KIF6: variants seen among roughly 807,000 people sequenced by gnomAD.
The protein encoded by KIF6 is kinesin-like protein KIF6.
Under a neutral mutation model 112.7 loss-of-function variants are expected in KIF6, and 106 were observed. The ratio of observed to expected loss-of-function variants is 0.94; its 90% CI spans 0.80 to 1.11. The LOEUF (loss-of-function observed/expected upper bound fraction) is 1.11. Ranked by LOEUF, KIF6 falls within the 50% of genes least tolerant of loss-of-function variation. KIF6 has a pLI of 0.00. For synonymous variants in KIF6, 339 were observed against 339.9 expected, an observed-to-expected ratio of 1.00 and a Z score of 0.03; for missense variants, 929 against 964.0, an observed-to-expected ratio of 0.96 and a Z score of 0.48.
rs565013016 is a variant in KIF6 at position 39,340,195 on chromosome 6, C to T, written c.2428+3514G>A. On this transcript the variant is annotated intron_variant, in intron 22 of 22. Coordinates refer to ENST00000287152, the MANE Select transcript of KIF6 (RefSeq NM_145027.6). The stretch of plus-strand genomic sequence containing the variant: ...CTGTCTTTGGCTTCCTTTGTGGCCC[C>T]GTGGTCACTGAAAAGCCAGAATGAA... Among the ~76,000 whole-genome samples, 49 of 152,322 alleles carry T rather than the reference C, an allele frequency of 3.2e-4. 1 individual carries two copies. The highest frequency in any genetic ancestry group is 6.8e-3 in the Middle Eastern group (2 of 294).
In KIF6 at chr6:39,378,914, C is replaced by T. The variant is rs185416486; in HGVS notation, c.1861+6708G>A. 6.6e-6 allele frequency among the ~76,000 whole-genome samples: 1 copy of T among 152,314 alleles called. No homozygotes were observed. Among genetic ancestry groups the T allele is most frequent in the Admixed American group, 6.5e-5 (1 of 15,298 alleles). On this transcript the variant is annotated intron_variant, in intron 16 of 22. Transcript: ENST00000287152. The surrounding 1 kb of genome is among the most constrained non-coding windows in gnomAD (Gnocchi z 5.0). ...CCCGGATCCTATTATCTTGGCCGCT[C>T]ACATAAACGCTTTCAGTGAGCTATG...
rs115308726 is a variant in KIF6, at chr6:39,582,007, G to A, written c.1077+2891C>T. ...TCCTAGAATTTTACTGAAATGTATC[G>A]GATCATGTGGGTTTTGTTTGCTTCT... On this transcript the variant is annotated intron_variant, in intron 9 of 22. Coordinates refer to ENST00000287152, the MANE Select transcript of KIF6 (RefSeq NM_145027.6). Among the ~76,000 whole-genome samples, 712 of 152,144 alleles carry A rather than the reference G, an allele frequency of 4.7e-3. 6 individuals are homozygous for A. Among genetic ancestry groups the A allele is most frequent in the African/African-American group, 0.017 (685 of 41,492 alleles).
At chr6:39,494,321 T>TCTACTTC (rs1775645129) in intron 13 of KIF6, among the ~76,000 whole-genome samples, 1 of 152,216 alleles carries the variant, frequency 6.6e-6, no homozygotes, top group African/African-American at 2.4e-5. Flanking sequence ...CACAAGGATG[T>TCTACTTC]TTATACATTA....
chr6:39,494,533 T>C (rs1775660751), intron 13 of KIF6, among the ~76,000 whole-genome samples: 1 of 152,222 alleles, frequency 6.6e-6, no homozygotes, highest in African/African-American at 2.4e-5. Flanking sequence ...ATTACATCAT[T>C]TGAACAAAAG....
intron 13 of KIF6, among the ~76,000 whole-genome samples, chr6:39,445,058 A>G (rs1052870523): frequency 6.6e-6 from 1 of 152,218 alleles, no homozygotes; most frequent in South Asian, 2.1e-4. Context: ...TGACTCTGCC[A>G]TTAAGGACTT....
chr6:39,435,417 G>A (rs1390646097), intron 13 of KIF6, among the ~76,000 whole-genome samples: 1 of 152,080 alleles, frequency 6.6e-6, no homozygotes, highest in Admixed American at 6.6e-5. Context: ...GGTACAAGTG[G>A]TTTTTGGTTA....
At chr6:39,660,991 T>A (rs1406045365) in intron 3 of KIF6, among the ~76,000 whole-genome samples, 4 of 152,160 alleles carry the variant, frequency 2.6e-5, no homozygotes, top group African/African-American at 9.7e-5. Flanking sequence ...GCACTGCTGC[T>A]TTTTCCCTGA....
At chr6:39,417,566 C>G (rs1342592604) in intron 15 of KIF6, among the ~76,000 whole-genome samples, 1 of 152,188 alleles carries the variant, frequency 6.6e-6, no homozygotes, top group African/African-American at 2.4e-5. Context: ...CTGGGCAGAT[C>G]AAATGACAGC....
At chr6:39,514,771 T>TC (rs1341796415) in intron 13 of KIF6, among the ~76,000 whole-genome samples, 1 of 130,780 alleles carries the variant, frequency 7.6e-6, no homozygotes. Context: ...TCAAGGCTTT[T>TC]TTTCCCCCCC....
At chr6:39,531,832 C>G (rs1778080901) in intron 13 of KIF6, among the ~76,000 whole-genome samples, 1 of 152,182 alleles carries the variant, frequency 6.6e-6, no homozygotes, top group Non-Finnish European at 1.5e-5. Context: ...GCCTGGACTT[C>G]TGCTATGGCC....
chr6:39,482,040 A>C (rs920606117), intron 13 of KIF6, among the ~76,000 whole-genome samples: 80 of 147,890 alleles, frequency 5.4e-4, no homozygotes, highest in East Asian at 7.9e-4. Flanking sequence ...ACACACACAC[A>C]CCCCACTGGG....
At chr6:39,578,307 C>A (rs373510027) in intron 9 of KIF6, 148 bp from the exon 10 acceptor site, 7 of 535,930 alleles carry the variant, frequency 1.3e-5, no homozygotes, top group African/African-American at 9.9e-5. Context: ...TAAATCTTAA[C>A]GTTTTGTCAA....
intron 5 of KIF6, among the ~76,000 whole-genome samples, chr6:39,622,752 A>G (rs957986068): frequency 2.0e-5 from 3 of 152,250 alleles, no homozygotes; most frequent in African/African-American, 7.2e-5. Context: ...CTTCCTGGAC[A>G]TGAGCAGCCT....
At chr6:39,617,180 G>A (rs945594244) in intron 5 of KIF6, among the ~76,000 whole-genome samples, 1 of 152,150 alleles carries the variant, frequency 6.6e-6, no homozygotes, top group African/African-American at 2.4e-5. Context: ...ATACCTAAGT[G>A]GAAAAGTTCT....
At chr6:39,585,227 G>C (rs772872775) in intron 8 of KIF6, among the ~76,000 whole-genome samples, 2 of 152,214 alleles carry the variant, frequency 1.3e-5, no homozygotes, top group Non-Finnish European at 2.9e-5. Context: ...GAGGGTGCAG[G>C]TGGTGTGGTT....
chr6:39,370,368 T>C (rs1444138082), intron 16 of KIF6, among the ~76,000 whole-genome samples: 1 of 152,214 alleles, frequency 6.6e-6, no homozygotes, highest in Non-Finnish European at 1.5e-5. Flanking sequence ...TAGGGTTCCA[T>C]TGATTCTCTT....
chr6:39,583,266 G>A, intron 9 of KIF6: 1 of 357,200 alleles, frequency 2.8e-6, no homozygotes, highest in Non-Finnish European at 5.9e-6. Context: ...ATTCAGCACT[G>A]TAATGCTATA....
intron 16 of KIF6, among the ~76,000 whole-genome samples, chr6:39,383,464 G>C (rs1767144698): frequency 6.6e-6 from 1 of 152,122 alleles, no homozygotes; most frequent in African/African-American, 2.4e-5. Flanking sequence ...GAGATCAGTT[G>C]GTTGTAGGTG....
intron 3 of KIF6, among the ~76,000 whole-genome samples, chr6:39,705,344 G>T (rs1254702323): frequency 6.6e-6 from 1 of 152,190 alleles, no homozygotes; most frequent in Non-Finnish European, 1.5e-5. Flanking sequence ...AGACAAAAGA[G>T]CAGGTGTCTA....
Sources: gnomAD v4.1 joint callset for allele counts (sites outside exome capture counted in the v4.1 genomes callset) on GRCh38, gnomAD v4.1.1 for gene constraint, Gnocchi (gnomAD v3.1) non-coding constraint, MANE v1.5 for transcripts, NCBI Gene and HGNC (gene_info 2026-07-23, HGNC 2026-07-21) for gene names.